DCT: variants seen among roughly 807,000 people sequenced by gnomAD.
The protein encoded by DCT is dopachrome tautomerase.
A neutral mutation model predicts 53.0 loss-of-function variants in DCT; 47 were observed. That is an observed-to-expected ratio of 0.89 (90% CI 0.70 to 1.13). The LOEUF (loss-of-function observed/expected upper bound fraction) is 1.13. DCT is among the 50% of genes most tolerant of loss of function. The pLI is 0.00. For missense variants in DCT, 669 were observed against 637.4 expected (o/e 1.05, Z -0.53); for synonymous variants, 244 against 237.0 (o/e 1.03, Z -0.27).
At chr13:94,485,518 C>A in the DCT span, among the ~76,000 whole-genome samples, 139 of 152,306 alleles carry the variant, frequency 9.1e-4, no homozygotes, top group Non-Finnish European at 1.8e-4. Flanking sequence ...AACGAAGCTG[C>A]AATCCCATCA....
the DCT span, among the ~76,000 whole-genome samples, chr13:94,512,951 A>T: frequency 6.6e-6 from 1 of 152,376 alleles, no homozygotes; most frequent in South Asian, 2.1e-4. Flanking sequence ...GAGGCTGAAT[A>T]TACAGAAGGT....
the DCT span, among the ~76,000 whole-genome samples, chr13:94,538,398 G>C: frequency 6.6e-6 from 1 of 152,158 alleles, no homozygotes; most frequent in African/African-American, 2.4e-5. Flanking sequence ...TGGAGCTCTG[G>C]CCCAGGCAGC....
chr13:94,479,134 C>T lies in DCT; in HGVS notation c.122G>A (p.Cys41Tyr), dbSNP rs961952279. ...TVDSLVNKEC[C>Y]PRLGAESANV... ...GGCCGACTCTGCACCCAGGCGTGGG[C>T]AGCACTCCTTGTTCACTAGGCTGTC... Residue 41 changes from cysteine (C) to tyrosine (Y), a missense_variant, in exon 1 of 8, where the codon TGC becomes TAC. Cys to Tyr is a radical substitution (Grantham distance 194, BLOSUM62 -2). Transcript: ENST00000377028. 6.2e-7 allele frequency: 1 copy of T among 1,614,086 alleles called. No individual in the cohort carries two copies. Among genetic ancestry groups the T allele is most frequent in the Admixed American group, 1.7e-5 (1 of 60,006 alleles).
intron 1 of DCT, among the ~76,000 whole-genome samples, chr13:94,472,772 G>T (rs1201071466): frequency 6.6e-6 from 1 of 150,746 alleles, no homozygotes; most frequent in African/African-American, 2.4e-5. Context: ...AGTAGAGATG[G>T]GGTTTCACCA....
chr13:94,509,239 C>A, the DCT span, among the ~76,000 whole-genome samples: 3 of 152,282 alleles, frequency 2.0e-5, no homozygotes, highest in Non-Finnish European at 4.4e-5. Context: ...GAACTTTTCT[C>A]CTTTTTCTGT....
the DCT span, among the ~76,000 whole-genome samples, chr13:94,544,257 T>G: frequency 2.6e-5 from 4 of 152,170 alleles, no homozygotes; most frequent in Admixed American, 6.5e-5. Context: ...GGATTTTGTA[T>G]GAAAAGTGCT....
chr13:94,542,623 C>T, the DCT span, among the ~76,000 whole-genome samples: 1 of 152,212 alleles, frequency 6.6e-6, no homozygotes, highest in Non-Finnish European at 1.5e-5. Context: ...CCCCACCTTT[C>T]CATTTGCCTG....
intron 1 of DCT, among the ~76,000 whole-genome samples, chr13:94,476,180 CTTTTTTTTT>C (rs529819051): frequency 4.1e-5 from 3 of 72,732 alleles, no homozygotes; most frequent in African/African-American, 1.1e-4. Context: ...GGGGGAGCCT[CTTTTTTTTT>C]TTTTTTTTTT....
the DCT span, among the ~76,000 whole-genome samples, chr13:94,509,151 A>T: frequency 1.3e-5 from 2 of 152,242 alleles, no homozygotes; most frequent in Admixed American, 6.5e-5. Context: ...TGAATCAGAC[A>T]ACCAGTGCAT....
chr13:94,476,341 A>G (rs1239348318), intron 1 of DCT, among the ~76,000 whole-genome samples: 2 of 151,750 alleles, frequency 1.3e-5, no homozygotes, highest in African/African-American at 4.8e-5. Context: ...AAAACTTGCT[A>G]GCCATGGCAA....
chr13:94,468,011 C>T (rs904732112), intron 2 of DCT: 1 of 152,082 alleles, frequency 6.6e-6, no homozygotes, highest in African/African-American at 2.4e-5. Context: ...AACAGACAAC[C>T]CCCTCATTCC....
intron 7 of DCT, among the ~76,000 whole-genome samples, chr13:94,441,554 C>A (rs960551183): frequency 6.6e-6 from 1 of 152,138 alleles, no homozygotes; most frequent in African/African-American, 2.4e-5. Context: ...AACCAGGGGT[C>A]TCTATGAATT....
the DCT span, among the ~76,000 whole-genome samples, chr13:94,490,839 G>T: frequency 1.3e-5 from 2 of 152,078 alleles, no homozygotes; most frequent in Non-Finnish European, 2.9e-5. Flanking sequence ...TTTCATAGAG[G>T]TTTCAGTTTA....
chr13:94,543,574 A>T, the DCT span, among the ~76,000 whole-genome samples: 1 of 152,138 alleles, frequency 6.6e-6, no homozygotes, highest in Admixed American at 6.5e-5. Context: ...CCTTCTTGTG[A>T]TATCTTCCTA....
At chr13:94,487,197 G>A in the DCT span, among the ~76,000 whole-genome samples, 4 of 152,192 alleles carry the variant, frequency 2.6e-5, no homozygotes, top group East Asian at 1.9e-4. Context: ...GGAAGCCATC[G>A]AATCAAGGAC....
chr13:94,530,464 G>C, the DCT span, among the ~76,000 whole-genome samples: 5 of 152,154 alleles, frequency 3.3e-5, no homozygotes, highest in African/African-American at 1.2e-4. Context: ...CTTCATTCCT[G>C]GGATGCAAGT....
intron 4 of DCT, among the ~76,000 whole-genome samples, chr13:94,463,280 GCTAA>G (rs1426491704): frequency 1.3e-5 from 2 of 148,336 alleles, no homozygotes; most frequent in Middle Eastern, 3.2e-3. Context: ...GGGACTACTG[GCTAA>G]CTTTTTTTTT....
chr13:94,464,955 G>A (rs1884066140), intron 4 of DCT, among the ~76,000 whole-genome samples: 1 of 152,040 alleles, frequency 6.6e-6, no homozygotes, highest in Non-Finnish European at 1.5e-5. Flanking sequence ...GAATTATCTA[G>A]CTTCACACAT....
chr13:94,445,830 G>T, intron 6 of DCT: 1 of 1,134,070 alleles, frequency 8.8e-7, no homozygotes, highest in Non-Finnish European at 1.3e-6. Flanking sequence ...AGCTGAATTG[G>T]GACCCGCTGC....
Sources: allele counts gnomAD v4.1 joint callset (sites outside exome capture counted in the v4.1 genomes callset), GRCh38; gene constraint gnomAD v4.1.1; transcripts MANE v1.5; gene names NCBI Gene and HGNC (gene_info 2026-07-23, HGNC 2026-07-21).